Variants in CCBE1 observed in about 807,000 individuals in gnomAD.
CCBE1 encodes the protein collagen and calcium-binding EGF domain-containing protein 1.
Under a neutral mutation model 50.0 loss-of-function variants are expected in CCBE1, and 37 were observed. The observed-to-expected ratio is 0.74, with a 90% CI of 0.57 to 0.97. The LOEUF is 0.97. Among genes scored for constraint, CCBE1 ranks in the 50% least tolerant of loss-of-function variants. The pLI is 0.00. For missense variants in CCBE1, 538 were observed against 523.8 expected, an observed-to-expected ratio of 1.03 and a Z score of -0.26; for synonymous variants, 234 against 203.7, an observed-to-expected ratio of 1.15 and a Z score of -1.27.
At chr18:59,560,985 C>A (rs770786979) in intron 2 of CCBE1, among the ~76,000 whole-genome samples, 1 of 152,226 alleles carries the variant, frequency 6.6e-6, no homozygotes, top group Non-Finnish European at 1.5e-5. Flanking sequence ...AGACCCTGAG[C>A]CTTCACTGAT....
chr18:59,473,702 T>C, intron 3 of CCBE1, among the ~76,000 whole-genome samples: 1 of 102,160 alleles, frequency 9.8e-6, no homozygotes, highest in African/African-American at 4.0e-5. Context: ...CTCCCACTAC[T>C]CCCCCCCTAC....
chr18:59,667,217 C>G (rs2054369753), intron 2 of CCBE1, among the ~76,000 whole-genome samples: 2 of 152,098 alleles, frequency 1.3e-5, no homozygotes, highest in Admixed American at 1.3e-4. Flanking sequence ...TGCCGTGAGC[C>G]ATGACTGTGC....
At chr18:59,463,040 G>T (rs564554267) in intron 5 of CCBE1, among the ~76,000 whole-genome samples, 1 of 152,324 alleles carries the variant, frequency 6.6e-6, no homozygotes, top group African/African-American at 2.4e-5. Context: ...TTGATTTCTT[G>T]TACTTATCTG....
At chr18:59,507,161 C>A (rs528507362) in intron 2 of CCBE1, among the ~76,000 whole-genome samples, 1 of 152,198 alleles carries the variant, frequency 6.6e-6, no homozygotes, top group Non-Finnish European at 1.5e-5. Context: ...TCAACCATAT[C>A]TTCTTTCCAA....
intron 5 of CCBE1, among the ~76,000 whole-genome samples, chr18:59,457,826 G>A (rs1314282420): frequency 6.6e-6 from 1 of 152,190 alleles, no homozygotes; most frequent in Admixed American, 6.5e-5. Flanking sequence ...ATCCTATGGA[G>A]CTTGAATACT....
intron 2 of CCBE1, among the ~76,000 whole-genome samples, chr18:59,648,610 G>A (rs144455713): frequency 1.3e-3 from 191 of 152,344 alleles, no homozygotes; most frequent in African/African-American, 1.7e-3. Flanking sequence ...GGTGAGGTAC[G>A]AGAATTGCTT....
chr18:59,589,769 C>T (rs56229627), intron 2 of CCBE1, among the ~76,000 whole-genome samples: 2,781 of 120,332 alleles, frequency 0.023, 95 homozygotes, highest in African/African-American at 0.085. Context: ...ACTGCCAGGG[C>T]GACAGAGCGA....
intron 2 of CCBE1, among the ~76,000 whole-genome samples, chr18:59,654,249 A>C (rs1258715134): frequency 6.6e-6 from 1 of 152,216 alleles, no homozygotes. Flanking sequence ...AAAAAGGAAG[A>C]AAGCCTTCAC....
intron 2 of CCBE1, among the ~76,000 whole-genome samples, chr18:59,564,574 G>A (rs150033082): frequency 1.3e-5 from 2 of 152,324 alleles, no homozygotes; most frequent in African/African-American, 4.8e-5. Context: ...CCCTTCAGAA[G>A]GTATCTATTA....
At chr18:59,447,483 C>T (rs1367702649) in intron 7 of CCBE1, among the ~76,000 whole-genome samples, 1 of 152,078 alleles carries the variant, frequency 6.6e-6, no homozygotes, top group Admixed American at 6.6e-5. Context: ...TATGTCAATA[C>T]AGTTGACTTG....
At chr18:59,466,370 C>T (rs886965034) in intron 5 of CCBE1, among the ~76,000 whole-genome samples, 3 of 152,112 alleles carry the variant, frequency 2.0e-5, no homozygotes, top group Admixed American at 6.5e-5. Flanking sequence ...CCGTGTAAGA[C>T]GTGCCTTTGC....
At chr18:59,553,487 C>T (rs1916001955) in intron 2 of CCBE1, among the ~76,000 whole-genome samples, 1 of 152,206 alleles carries the variant, frequency 6.6e-6, no homozygotes, top group Admixed American at 6.5e-5. Context: ...AACAGATGGG[C>T]TGCTGGTCCC....
chr18:59,585,821 G>T (rs979996539), intron 2 of CCBE1, among the ~76,000 whole-genome samples: 17 of 152,166 alleles, frequency 1.1e-4, no homozygotes, highest in Non-Finnish European at 2.2e-4. Flanking sequence ...TTTAAAAATT[G>T]TCACTTAGTC....
intron 2 of CCBE1, among the ~76,000 whole-genome samples, chr18:59,506,662 C>T (rs567341162): frequency 2.3e-4 from 35 of 152,320 alleles, no homozygotes; most frequent in African/African-American, 7.7e-4. Context: ...CCTATGGGTC[C>T]CTCACTGGCT....
rs555160847 is a variant in CCBE1, at chr18:59,550,998, C to CAAAAAAAA, written c.213-70768_213-70761dup. On this transcript the variant is annotated intron_variant, in intron 2 of 10. Coordinates refer to ENST00000439986, the MANE Select transcript of CCBE1 (RefSeq NM_133459.4). The stretch of plus-strand genomic sequence containing the variant: ...CCAGCCTGGGCAACACAGCGAGACT[C>CAAAAAAAA]AAAAAAAAAAAAAAAAAAAAAAAAA... Among the ~76,000 whole-genome samples the CAAAAAAAA allele has an allele frequency of 2.2e-3, 154 of 71,356 alleles. 1 individual carries two copies. Among genetic ancestry groups the CAAAAAAAA allele is most frequent in the Non-Finnish European group, 3.0e-3 (117 of 39,038 alleles). 46.8% of individuals were successfully genotyped at this position (71,356 alleles called of 152,430 possible). A position where few individuals can be genotyped will look rare whatever the true frequency, so the allele number is the denominator to read the frequency against.
At chr18:59,600,837 G>T (rs2053418682) in intron 2 of CCBE1, among the ~76,000 whole-genome samples, 1 of 151,946 alleles carries the variant, frequency 6.6e-6, no homozygotes, top group Admixed American at 6.6e-5. Flanking sequence ...CCTAGCCTTG[G>T]AACCAATCTT....
chr18:59,435,069 G>GT lies in CCBE1; in HGVS notation c.*838dup, dbSNP rs1159863060. ...CTATATTTATAGAGCAGACTCCACTGTTGATTAAACAGCTTTAAAATATTA... is the reference window on the plus strand; with the variant it reads ...CTATATTTATAGAGCAGACTCCACTGTTTGATTAAACAGCTTTAAAATATTA... On this transcript the variant is annotated 3_prime_UTR_variant, in exon 11 of 11. Coordinates refer to ENST00000439986, the MANE Select transcript of CCBE1 (RefSeq NM_133459.4). The GT allele has an allele frequency of 5.3e-5, 8 of 152,184 alleles. No homozygotes were observed. The highest frequency in any genetic ancestry group is 1.9e-4 in the African/African-American group (8 of 41,430). The allele number at this position is 152,184 out of a possible 1,614,324, so 9.4% of individuals were successfully genotyped here. A position where few individuals can be genotyped will look rare whatever the true frequency, so the allele number is the denominator to read the frequency against.
intron 2 of CCBE1, among the ~76,000 whole-genome samples, chr18:59,655,613 G>A (rs2054179079): frequency 6.6e-6 from 1 of 152,236 alleles, no homozygotes; most frequent in Non-Finnish European, 1.5e-5. Context: ...ATGTAAGGAA[G>A]TAGGTGTGGC....
chr18:59,525,766 G>GGA (rs1914793888), intron 2 of CCBE1, among the ~76,000 whole-genome samples: 1 of 152,110 alleles, frequency 6.6e-6, no homozygotes, highest in African/African-American at 2.4e-5. Context: ...GTTAATTTTT[G>GGA]TTTAAGGTGT....
Sources: allele counts gnomAD v4.1 joint callset (sites outside exome capture counted in the v4.1 genomes callset), GRCh38; gene constraint gnomAD v4.1.1; transcripts MANE v1.5; gene names NCBI Gene and HGNC (gene_info 2026-07-23, HGNC 2026-07-21).